Variants in EYA4 observed in about 807,000 individuals in gnomAD.
EYA4 encodes the protein EYA transcriptional coactivator and phosphatase 4.
A neutral mutation model predicts 87.9 loss-of-function variants in EYA4; 31 were observed. The ratio of observed to expected loss-of-function variants is 0.35; its 90% CI spans 0.27 to 0.48. EYA4 has a LOEUF of 0.48. Among genes scored for constraint, EYA4 ranks in the 20% least tolerant of loss-of-function variants. The pLI is 0.99. For missense variants in EYA4, 678 were observed against 761.4 expected (o/e 0.89, Z 1.29); for synonymous variants, 263 against 270.6 (o/e 0.97, Z 0.28).
chr6:133,530,463 C>A lies in EYA4; in HGVS notation c.*1658C>A. On this transcript the variant is annotated 3_prime_UTR_variant, in exon 20 of 20. Transcript: ENST00000355286. ...CTAGAGTATTTTTATGGTGTCTGCA[C>A]CTGCAGTTCTGTGTTTAAAATGTCA... 1.0e-6 allele frequency: 1 copy of A among 985,672 alleles called. No homozygotes were observed. Among genetic ancestry groups the A allele is most frequent in the Non-Finnish European group, 1.2e-6 (1 of 829,922 alleles). The allele number at this position is 985,672 out of a possible 1,614,324, so 61.1% of individuals were successfully genotyped here. A position where few individuals can be genotyped will look rare whatever the true frequency, so the allele number is the denominator to read the frequency against.
intron 3 of EYA4, among the ~76,000 whole-genome samples, chr6:133,428,908 C>CTTTTTTT (rs1175553657): frequency 3.0e-5 from 1 of 33,492 alleles, no homozygotes; most frequent in East Asian, 9.9e-4. Context: ...GTAGATTTAG[C>CTTTTTTT]TTCTTTTTTT....
At chr6:133,496,868 T>A (rs1235397673) in intron 13 of EYA4, among the ~76,000 whole-genome samples, 1 of 152,166 alleles carries the variant, frequency 6.6e-6, no homozygotes, top group East Asian at 1.9e-4. Context: ...AGGTCAATGT[T>A]TACTCCTGCA....
intron 2 of EYA4, among the ~76,000 whole-genome samples, chr6:133,376,128 AGTT>A (rs1460476276): frequency 2.0e-5 from 3 of 151,842 alleles, no homozygotes; most frequent in African/African-American, 4.8e-5. Context: ...GTTTACAAAG[AGTT>A]TGGCATGCAA....
chr6:133,310,177 C>G lies in EYA4; in HGVS notation c.33+35364C>G, dbSNP rs192939400. ...GATAATTCCTGCCATATAGGATGGT[C>G]AATAATTTCTACTTGCAAAAGGAAA... On this transcript the variant is annotated intron_variant, in intron 2 of 19. Transcript: ENST00000355286. Among the ~76,000 whole-genome samples the G allele has an allele frequency of 3.4e-4, 52 of 152,070 alleles. 1 individual carries two copies. Among genetic ancestry groups the G allele is most frequent in the Non-Finnish European group, 5.3e-4 (36 of 68,016 alleles).
In EYA4 at chr6:133,462,678, C is replaced by T; in HGVS notation, c.638C>T (p.Ser213Phe). 6.2e-7 allele frequency: 1 copy of T among 1,613,856 alleles called. No homozygotes were observed. Among genetic ancestry groups the T allele is most frequent in the Non-Finnish European group, 8.5e-7 (1 of 1,179,806 alleles). Residue 213 changes from serine to phenylalanine, a missense_variant, in exon 9 of 20, where the codon TCC becomes TTC. By Grantham distance (155) the Ser-to-Phe change is radical. Transcript: ENST00000355286. ...GAGAGTGGACTTTCCCAAACTCAGT[C>T]CCCATTACAGAGTGGCTGCCTCAGT... ...KTESGLSQTQ[S>F]PLQSGCLSYS...
chr6:133,267,287 A>G, intron 1 of EYA4, among the ~76,000 whole-genome samples: 1 of 152,308 alleles, frequency 6.6e-6, no homozygotes, highest in South Asian at 2.1e-4. Context: ...ATTCATCAGT[A>G]TCCAAATACA....
At chr6:133,409,960 A>G (rs1383992048) in intron 3 of EYA4, among the ~76,000 whole-genome samples, 1 of 152,156 alleles carries the variant, frequency 6.6e-6, no homozygotes, top group African/African-American at 2.4e-5. Flanking sequence ...CTCCCCCCAT[A>G]TAAAATTTCT....
intron 3 of EYA4, among the ~76,000 whole-genome samples, chr6:133,394,521 A>G (rs112017584): frequency 0.01 from 1,534 of 151,794 alleles, 33 homozygotes; most frequent in African/African-American, 0.035. Context: ...GGCAAACTCA[A>G]TTGTCTAGCA....
intron 3 of EYA4, among the ~76,000 whole-genome samples, chr6:133,401,414 C>A (rs536315859): frequency 2.7e-4 from 41 of 152,142 alleles, no homozygotes; most frequent in African/African-American, 8.9e-4. Flanking sequence ...ATGTTCCTAG[C>A]ATAAAGAAAA....
At chr6:133,245,316 C>A (rs747937583) in intron 1 of EYA4, 4 of 152,084 alleles carry the variant, frequency 2.6e-5, no homozygotes, top group Non-Finnish European at 5.9e-5. Context: ...CGTTTTGAAT[C>A]CTCTCATTGA....
intron 17 of EYA4, among the ~76,000 whole-genome samples, 159 bp from the exon 18 acceptor site, chr6:133,522,897 G>T (rs996954074): frequency 2.6e-5 from 4 of 152,060 alleles, no homozygotes; most frequent in African/African-American, 9.7e-5. Context: ...TTAATAATCT[G>T]CCATTATTGG....
intron 2 of EYA4, among the ~76,000 whole-genome samples, chr6:133,315,021 C>G (rs764944903): frequency 1.3e-5 from 2 of 152,096 alleles, no homozygotes; most frequent in African/African-American, 4.8e-5. Context: ...TAAACTGTTG[C>G]GTCTCCCCAG....
chr6:133,486,932 G>C (rs2128719971), intron 13 of EYA4, among the ~76,000 whole-genome samples: 1 of 152,334 alleles, frequency 6.6e-6, no homozygotes, highest in East Asian at 1.9e-4. Flanking sequence ...AAAGCCAGGT[G>C]AGCAATCACA....
chr6:133,267,956 A>G (rs1254831787), intron 1 of EYA4, among the ~76,000 whole-genome samples: 1 of 152,120 alleles, frequency 6.6e-6, no homozygotes, highest in Non-Finnish European at 1.5e-5. Context: ...GTTACTAGCA[A>G]ATGGTTGAGG....
intron 3 of EYA4, among the ~76,000 whole-genome samples, chr6:133,403,843 CT>C (rs1194453180): frequency 6.6e-6 from 1 of 152,100 alleles, no homozygotes; most frequent in East Asian, 1.9e-4. Flanking sequence ...GGAGTTTCGC[CT>C]TTGTTACCCA....
intron 13 of EYA4, among the ~76,000 whole-genome samples, chr6:133,500,299 G>A (rs1242960778): frequency 6.6e-6 from 1 of 152,026 alleles, no homozygotes; most frequent in Non-Finnish European, 1.5e-5. Context: ...CATGCATGGT[G>A]GAGTCTGAGA....
chr6:133,342,574 CATATATATATATATATAT>C (rs56987430), intron 2 of EYA4, among the ~76,000 whole-genome samples: 23,223 of 100,546 alleles, frequency 0.23, 2,982 homozygotes, highest in Admixed American at 0.4. Context: ...TACACACTGC[CATATATATATATATATAT>C]ATATATATAT....
intron 1 of EYA4, among the ~76,000 whole-genome samples, chr6:133,272,649 C>T (rs577626407): frequency 1.3e-5 from 2 of 152,296 alleles, no homozygotes; most frequent in Non-Finnish European, 2.9e-5. Context: ...CCTTTGCTGT[C>T]ATTCACCTAT....
chr6:133,404,138 G>T (rs1788499569), intron 3 of EYA4, among the ~76,000 whole-genome samples: 1 of 152,194 alleles, frequency 6.6e-6, no homozygotes, highest in South Asian at 2.1e-4. Context: ...TTTAACAGGA[G>T]TGTCTCAGGA....
Sources: gnomAD v4.1 joint callset for allele counts (sites outside exome capture counted in the v4.1 genomes callset) on GRCh38, gnomAD v4.1.1 for gene constraint, MANE v1.5 for transcripts, NCBI Gene and HGNC (gene_info 2026-07-23, HGNC 2026-07-21) for gene names.